Variants in MREG observed in about 807,000 individuals in gnomAD.
MREG encodes melanoregulin, also known as dilute suppressor protein homolog.
Under a neutral mutation model 28.5 loss-of-function variants are expected in MREG, and 31 were observed. The observed-to-expected ratio is 1.09, with a 90% CI of 0.82 to 1.47. The LOEUF (loss-of-function observed/expected upper bound fraction) is 1.47. Ranked by LOEUF, MREG falls within the 40% of genes most tolerant of loss-of-function variation. MREG has a pLI of 0.00. For synonymous variants in MREG, 106 were observed against 95.2 expected (o/e 1.11, Z -0.66); for missense variants, 256 against 257.4 (o/e 0.99, Z 0.04).
intron 2 of MREG, among the ~76,000 whole-genome samples, chr2:215,976,597 C>T (rs373899625): frequency 3.7e-4 from 57 of 152,224 alleles, no homozygotes; most frequent in African/African-American, 1.2e-3. Flanking sequence ...GTATAGGTAA[C>T]GTATTTAGAG....
rs139606183 is a variant in MREG, at chr2:216,032,449, G to A, written c.-68+340C>T. On this transcript the variant is annotated intron_variant, in intron 1 of 3. Coordinates refer to the MREG transcript ENST00000420348. ...CATTGTCCATTTCTTGCAACCCTCCGTTGACCCAGTTGGCTTATGCTAGAG... is the reference window on the plus strand; with the variant it reads ...CATTGTCCATTTCTTGCAACCCTCCATTGACCCAGTTGGCTTATGCTAGAG... 4.3e-3 allele frequency among the ~76,000 whole-genome samples: 649 copies of A among 152,254 alleles called. 4 individuals are homozygous for A. Among genetic ancestry groups the A allele is most frequent in the African/African-American group, 0.015 (610 of 41,532 alleles).
intron 1 of MREG, among the ~76,000 whole-genome samples, chr2:216,003,209 C>A (rs1199637006): frequency 6.6e-6 from 1 of 152,162 alleles, no homozygotes; most frequent in African/African-American, 2.4e-5. Flanking sequence ...TCATGACCTC[C>A]TTCAGCCCCA....
At chr2:215,956,062 A>G (rs1195068231) in intron 2 of MREG, among the ~76,000 whole-genome samples, 2 of 152,244 alleles carry the variant, frequency 1.3e-5, no homozygotes, top group African/African-American at 4.8e-5. Flanking sequence ...ACGTATAACA[A>G]ATAAAGCCTG....
upstream of MREG, among the ~76,000 whole-genome samples, chr2:216,014,330 A>G (rs1199937394): frequency 6.6e-6 from 1 of 152,268 alleles, no homozygotes; most frequent in East Asian, 1.9e-4. Context: ...TTCTTGAACC[A>G]AAGTATTTGA....
At chr2:215,958,846 A>G (rs1168621247) in intron 2 of MREG, among the ~76,000 whole-genome samples, 1 of 152,172 alleles carries the variant, frequency 6.6e-6, no homozygotes, top group East Asian at 1.9e-4. Context: ...CATGCTTTCT[A>G]GGTTTCTATG....
At chr2:215,994,182 A>G (rs2106014120) in intron 2 of MREG, among the ~76,000 whole-genome samples, 1 of 152,176 alleles carries the variant, frequency 6.6e-6, no homozygotes, top group South Asian at 2.1e-4. Flanking sequence ...TCAATGATAG[A>G]CTGCATAAAG....
intron 1 of MREG, among the ~76,000 whole-genome samples, chr2:215,998,320 A>AAAAAAT (rs1553554015): frequency 2.7e-4 from 37 of 138,898 alleles, no homozygotes; most frequent in African/African-American, 9.7e-4. Context: ...AAAAAAAAAA[A>AAAAAAT]AATAATAATA....
chr2:215,971,482 T>C (rs1432936893), intron 2 of MREG, among the ~76,000 whole-genome samples: 1 of 152,312 alleles, frequency 6.6e-6, no homozygotes, highest in East Asian at 1.9e-4. Context: ...GTAAATACTA[T>C]GTCATGGATC....
chr2:215,939,827 T>C (rs1171111488), downstream of MREG, among the ~76,000 whole-genome samples: 2 of 152,240 alleles, frequency 1.3e-5, no homozygotes, highest in African/African-American at 2.4e-5. Flanking sequence ...CTAGAATATA[T>C]GATAAAGTTC....
chr2:215,961,503 G>A (rs1163287544), intron 2 of MREG, among the ~76,000 whole-genome samples: 10 of 152,030 alleles, frequency 6.6e-5, no homozygotes, highest in East Asian at 1.9e-4. Flanking sequence ...TTGGCTCACC[G>A]CAACCTCCGT....
At chr2:216,015,796 T>A (rs572043333), upstream of MREG, among the ~76,000 whole-genome samples, 1 of 151,750 alleles carries the variant, frequency 6.6e-6, no homozygotes, top group South Asian at 2.1e-4. Flanking sequence ...GTAAATAGGG[T>A]GTGAAAAGAA....
At chr2:215,968,993 A>G (rs1693016513) in intron 2 of MREG, among the ~76,000 whole-genome samples, 2 of 152,232 alleles carry the variant, frequency 1.3e-5, no homozygotes, top group Non-Finnish European at 2.9e-5. Flanking sequence ...TCCTGAGCTC[A>G]AGCAATCCTC....
intron 2 of MREG, among the ~76,000 whole-genome samples, chr2:215,959,240 G>A (rs761588302): frequency 2.6e-5 from 4 of 151,836 alleles, no homozygotes; most frequent in Non-Finnish European, 5.9e-5. Context: ...TACTTTAGTC[G>A]TCACCTCAAG....
Position 215,944,999 on chromosome 2 carries a change from T to C in MREG, c.511-2A>G. 6.4e-7 allele frequency: 1 copy of C among 1,567,874 alleles called. No homozygotes were observed. ...AGCATCAAGTGCAATGAGACGGTCC[T>C]GCAAAAACAAACAACAAACCAAAAA... is the stretch of plus-strand genomic sequence containing the variant. On this transcript the variant is annotated splice_acceptor_variant, in intron 4 of 4. Transcript: ENST00000263268. LOFTEE classifies it high-confidence loss of function.
At chr2:215,962,691 C>T (rs1692822810) in intron 2 of MREG, among the ~76,000 whole-genome samples, 1 of 151,660 alleles carries the variant, frequency 6.6e-6, no homozygotes, top group Non-Finnish European at 1.5e-5. Context: ...GTAGAGAAAA[C>T]ATCTCAAAGA....
chr2:215,974,097 A>G (rs3770536), intron 2 of MREG, among the ~76,000 whole-genome samples: 90,262 of 152,052 alleles, frequency 0.59, 27,331 homozygotes, highest in East Asian at 0.82. Context: ...AATTCGACAT[A>G]GCAATTATTT....
At chr2:216,013,574 T>A (rs1694376947), upstream of MREG, 1 of 160,122 alleles carries the variant, frequency 6.2e-6, no homozygotes, top group Non-Finnish European at 1.4e-5. Flanking sequence ...TTTCCCCTCT[T>A]TTAATTCCCC....
chr2:216,020,941 G>C (rs530877318), intron 1 of MREG, among the ~76,000 whole-genome samples: 38 of 152,274 alleles, frequency 2.5e-4, no homozygotes, highest in Admixed American at 2.3e-3. Flanking sequence ...AACAGACAGA[G>C]AGAAATTATT....
At chr2:215,983,448 G>C (rs1403493764) in intron 2 of MREG, among the ~76,000 whole-genome samples, 2 of 152,178 alleles carry the variant, frequency 1.3e-5, no homozygotes, top group African/African-American at 4.8e-5. Context: ...GATATGATAG[G>C]CTAAGTGTAT....
Sources: allele counts gnomAD v4.1 joint callset (sites outside exome capture counted in the v4.1 genomes callset), GRCh38; gene constraint gnomAD v4.1.1; transcripts MANE v1.5; gene names NCBI Gene and HGNC (gene_info 2026-07-23, HGNC 2026-07-21).